Variants in MRTFB observed in about 807,000 individuals in gnomAD.
MRTFB encodes the protein myocardin related transcription factor B, also known as myocardin-related transcription factor B.
Under a neutral mutation model 104.2 loss-of-function variants are expected in MRTFB, and 29 were observed. The ratio of observed to expected loss-of-function variants is 0.28; its 90% CI spans 0.21 to 0.38. The LOEUF (loss-of-function observed/expected upper bound fraction) is 0.38, where lower values mean the gene tolerates loss of function less well. Ranked by LOEUF, MRTFB falls within the 10% of genes least tolerant of loss-of-function variation. The pLI is 1.00. For missense variants in MRTFB, 1,270 were observed against 1,341.6 expected, an observed-to-expected ratio of 0.95 and a Z score of 0.83; for synonymous variants, 535 against 519.5, an observed-to-expected ratio of 1.03 and a Z score of -0.41.
the MRTFB span, among the ~76,000 whole-genome samples, chr16:14,017,603 A>G: frequency 4.3e-4 from 1 of 2,316 alleles, no homozygotes; most frequent in Non-Finnish European, 2.6e-3. Context: ...GTATATATAT[A>G]TATATATATA....
chr16:14,147,709 T>C (rs1448233138), intron 3 of MRTFB, among the ~76,000 whole-genome samples: 1 of 152,222 alleles, frequency 6.6e-6, no homozygotes, highest in East Asian at 1.9e-4. Flanking sequence ...GCTTTAGTTA[T>C]CAATGAGGGG....
At chr16:14,084,264 A>G (rs2034576061) in intron 2 of MRTFB, among the ~76,000 whole-genome samples, 1 of 152,210 alleles carries the variant, frequency 6.6e-6, no homozygotes, top group African/African-American at 2.4e-5. Flanking sequence ...AAGACTAGGC[A>G]CGGTATCTCA....
chr16:14,100,029 A>T (rs1020137602), intron 2 of MRTFB, among the ~76,000 whole-genome samples: 1 of 152,202 alleles, frequency 6.6e-6, no homozygotes, highest in Non-Finnish European at 1.5e-5. Flanking sequence ...TTTCATAATC[A>T]TGTTATTTTT....
intron 2 of MRTFB, among the ~76,000 whole-genome samples, chr16:14,079,751 GT>G (rs147284574): frequency 2.0e-5 from 3 of 150,208 alleles, no homozygotes; most frequent in Non-Finnish European, 4.5e-5. Context: ...AAAATTTTGG[GT>G]TTTTTTTTAC....
chr16:14,128,980 G>T (rs77855280), intron 2 of MRTFB, among the ~76,000 whole-genome samples: 1,869 of 152,238 alleles, frequency 0.012, 36 homozygotes, highest in African/African-American at 0.041. Flanking sequence ...TCTCTGTCCC[G>T]GTAGCTTTGG....
At chr16:14,197,891 A>G (rs560483856) in intron 3 of MRTFB, among the ~76,000 whole-genome samples, 1 of 152,322 alleles carries the variant, frequency 6.6e-6, no homozygotes, top group African/African-American at 2.4e-5. Flanking sequence ...TTATTGAGAA[A>G]TTAGTTTCAT....
rs2043037451 is a variant in MRTFB, at chr16:14,246,854, A to G, written c.1594A>G (p.Met532Val). 1 of 1,613,068 alleles carries G rather than the reference A, an allele frequency of 6.2e-7. No homozygotes were observed. The highest frequency in any genetic ancestry group is 1.1e-5 in the South Asian group (1 of 91,082). Residue 532 changes from methionine (M) to valine (V), a missense_variant, in exon 12 of 17, where the codon ATG (methionine) becomes GTG (valine). Around this residue, in one of 3 missense-constraint regions of MRTFB, gnomAD observed 1,144 missense variants for 1,131.5 expected, o/e 1.01. Coordinates refer to ENST00000571589, the MANE Select transcript of MRTFB (RefSeq NM_001308142.2). ...AGACACTTTCACCGAGATTATGACCATGATGTCGCCTTCACAGTTCTTGAG... is the reference window on the plus strand; with the variant it reads ...AGACACTTTCACCGAGATTATGACCGTGATGTCGCCTTCACAGTTCTTGAG... Reference protein sequence around the residue: ...MADTFTEIMTMMSPSQFLSSS... With the variant: ...MADTFTEIMTVMSPSQFLSSS...
In MRTFB at chr16:14,136,132, G is replaced by C. The variant is rs189005185; in HGVS notation, c.-63-4412G>C. 3.9e-5 allele frequency among the ~76,000 whole-genome samples: 6 copies of C among 151,936 alleles called. No individual in the cohort carries two copies. The South Asian group carries it at 1.2e-3, about 32-fold the overall frequency. Reference sequence around the variant, plus strand: ...ACTAAAAATACAGAAATAATTAGCCGGGCGTGGTGGTGGTGCCTGTAATCC... The same window carrying C: ...ACTAAAAATACAGAAATAATTAGCCCGGCGTGGTGGTGGTGCCTGTAATCC... On this transcript the variant is annotated intron_variant, in intron 2 of 16. Transcript: ENST00000571589.
chr16:14,221,800 G>A (rs1462261619), intron 8 of MRTFB, among the ~76,000 whole-genome samples: 1 of 55,558 alleles, frequency 1.8e-5, no homozygotes, highest in Non-Finnish European at 3.7e-5. Context: ...TTTTTTTTTT[G>A]AGAGGGAGTC....
chr16:14,021,988 A>C, the MRTFB span, among the ~76,000 whole-genome samples: 1 of 152,170 alleles, frequency 6.6e-6, no homozygotes, highest in African/African-American at 2.4e-5. Context: ...CTAAAAGTAG[A>C]ACTCTCTGAC....
chr16:14,019,067 T>C, the MRTFB span: 1 of 152,468 alleles, frequency 6.6e-6, no homozygotes, highest in Admixed American at 6.5e-5. Flanking sequence ...GAAATCATTG[T>C]TTTGTCTTCT....
chr16:14,121,415 T>G (rs1035363242), intron 2 of MRTFB, among the ~76,000 whole-genome samples: 1 of 152,186 alleles, frequency 6.6e-6, no homozygotes, highest in African/African-American at 2.4e-5. Context: ...TTTTTCTGTT[T>G]TAAAGAACAA....
At chr16:14,129,471 T>G (rs930522278) in intron 2 of MRTFB, among the ~76,000 whole-genome samples, 3 of 152,252 alleles carry the variant, frequency 2.0e-5, no homozygotes, top group African/African-American at 7.2e-5. Flanking sequence ...GAACATTTAA[T>G]GTTTTGGCTC....
At chr16:14,139,557 C>T (rs2142554344) in intron 2 of MRTFB, among the ~76,000 whole-genome samples, 1 of 152,300 alleles carries the variant, frequency 6.6e-6, no homozygotes, top group Middle Eastern at 3.4e-3. Context: ...CACTCCTGTA[C>T]AAGTATCTAT....
intron 2 of MRTFB, among the ~76,000 whole-genome samples, chr16:14,105,759 C>G (rs1373389196): frequency 6.6e-6 from 1 of 152,078 alleles, no homozygotes; most frequent in Non-Finnish European, 1.5e-5. Flanking sequence ...AATGAAAACT[C>G]TAGTACTTAT....
intron 3 of MRTFB, among the ~76,000 whole-genome samples, chr16:14,148,122 C>T (rs987968976): frequency 1.3e-5 from 2 of 152,086 alleles, no homozygotes; most frequent in East Asian, 3.8e-4. Context: ...TTTGCTTTTC[C>T]TCAGAAAGCA....
chr16:14,206,268 C>G (rs1387078964), intron 3 of MRTFB, among the ~76,000 whole-genome samples: 1 of 152,176 alleles, frequency 6.6e-6, no homozygotes, highest in African/African-American at 2.4e-5. Flanking sequence ...GGATAAGCAC[C>G]AGTACATTCT....
At chr16:14,042,335 G>A in the MRTFB span, among the ~76,000 whole-genome samples, 1 of 152,212 alleles carries the variant, frequency 6.6e-6, no homozygotes, top group East Asian at 1.9e-4. Context: ...ACGTTGGCCA[G>A]ACTAGTCTGA....
At chr16:14,206,434 T>G (rs1431140515) in intron 3 of MRTFB, among the ~76,000 whole-genome samples, 2 of 152,252 alleles carry the variant, frequency 1.3e-5, no homozygotes, top group African/African-American at 4.8e-5. Flanking sequence ...AAGTTTGATA[T>G]CTGCCAAAAT....
Sources: allele counts gnomAD v4.1 joint callset (sites outside exome capture counted in the v4.1 genomes callset), GRCh38; gene constraint gnomAD v4.1.1; regional missense constraint gnomAD v4.1.1; transcripts MANE v1.5; gene names NCBI Gene and HGNC (gene_info 2026-07-23, HGNC 2026-07-21).